The following AGBL1 variants were observed in gnomAD, a reference collection of about 807,000 sequenced individuals.
AGBL1 encodes the protein cytosolic carboxypeptidase 4.
AGBL1 carries 130 observed loss-of-function variants against 118.9 expected under a neutral mutation model. That is an observed-to-expected ratio of 1.09 (90% CI 0.95 to 1.26). The LOEUF (loss-of-function observed/expected upper bound fraction) is 1.26, where lower values mean the gene tolerates loss of function less well. Ranked by LOEUF, AGBL1 falls within the 50% of genes most tolerant of loss-of-function variation. The pLI, the probability that AGBL1 is intolerant of heterozygous loss-of-function variation, is 0.00. For synonymous variants in AGBL1, 555 were observed against 478.9 expected (o/e 1.16, Z -2.08); for missense variants, 1,584 against 1,298.1 (o/e 1.22, Z -3.38).
chr15:86,675,796 C>T (rs1389437241), intron 22 of AGBL1, among the ~76,000 whole-genome samples: 1 of 152,156 alleles, frequency 6.6e-6, no homozygotes, highest in Non-Finnish European at 1.5e-5. Context: ...CCCCCTCTCT[C>T]CTCTGCTGCT....
intron 22 of AGBL1, among the ~76,000 whole-genome samples, chr15:86,839,308 GA>G (rs2079213899): frequency 6.6e-6 from 1 of 152,162 alleles, no homozygotes; most frequent in South Asian, 2.1e-4. Context: ...ACATTCTAGT[GA>G]AAAAGTCTTG....
intron 22 of AGBL1, among the ~76,000 whole-genome samples, chr15:86,739,443 C>CAAAAAAAAAA (rs34530266): frequency 4.5e-5 from 3 of 66,604 alleles, no homozygotes; most frequent in African/African-American, 6.8e-5. Flanking sequence ...AACTCCATCT[C>CAAAAAAAAAA]AAAAAAAAAA....
intron 5 of AGBL1, among the ~76,000 whole-genome samples, chr15:86,195,614 A>T (rs1333920505): frequency 6.6e-6 from 1 of 152,162 alleles, no homozygotes; most frequent in African/African-American, 2.4e-5. Context: ...CTTTAGATTA[A>T]AGTGAGATTT....
intron 21 of AGBL1, 131 bp from the exon 22 acceptor site, chr15:86,674,142 A>T: frequency 1.1e-6 from 1 of 893,806 alleles, no homozygotes; most frequent in Non-Finnish European, 1.7e-6. Context: ...ATGGACAGTG[A>T]CTGACAAATA....
intron 19 of AGBL1, among the ~76,000 whole-genome samples, chr15:86,524,094 G>T (rs920206243): frequency 6.6e-6 from 1 of 152,158 alleles, no homozygotes; most frequent in African/African-American, 2.4e-5. Flanking sequence ...TTTTAAAATG[G>T]ATGAATATAT....
intron 24 of AGBL1, among the ~76,000 whole-genome samples, chr15:87,022,495 AG>A (rs2081676107): frequency 6.6e-6 from 1 of 152,126 alleles, no homozygotes; most frequent in African/African-American, 2.4e-5. Flanking sequence ...GGTGCTCCAG[AG>A]GAAGAAGAGA....
chr15:86,876,971 C>T (rs1377325217), intron 22 of AGBL1, among the ~76,000 whole-genome samples: 1 of 152,026 alleles, frequency 6.6e-6, no homozygotes, highest in African/African-American at 2.4e-5. Flanking sequence ...CAATACAATC[C>T]GTATTGTCAT....
chr15:86,164,614 C>G (rs1478613257), intron 5 of AGBL1, among the ~76,000 whole-genome samples: 1 of 152,176 alleles, frequency 6.6e-6, no homozygotes, highest in East Asian at 1.9e-4. Context: ...CCCTCTGATC[C>G]TTTTGGATTC....
intron 17 of AGBL1, among the ~76,000 whole-genome samples, chr15:86,313,364 C>T (rs554714454): frequency 4.6e-5 from 7 of 152,272 alleles, no homozygotes; most frequent in East Asian, 3.9e-4. Flanking sequence ...AGCACACTTA[C>T]GCAAACAACA....
At chr15:86,498,890 G>A (rs575151156) in intron 18 of AGBL1, among the ~76,000 whole-genome samples, 31 of 151,882 alleles carry the variant, frequency 2.0e-4, no homozygotes, top group South Asian at 1.0e-3. Context: ...TTTCCTTTCC[G>A]TATTACTCTT....
At chr15:86,384,572 A>G (rs939803100) in intron 17 of AGBL1, among the ~76,000 whole-genome samples, 1 of 69,770 alleles carries the variant, frequency 1.4e-5, no homozygotes, top group East Asian at 2.9e-3. Context: ...CCAGCATATT[A>G]TAATATAACA....
At chr15:86,747,441 A>C (rs2077773522) in intron 22 of AGBL1, among the ~76,000 whole-genome samples, 1 of 152,160 alleles carries the variant, frequency 6.6e-6, no homozygotes, top group African/African-American at 2.4e-5. Flanking sequence ...GAAAGTCTAA[A>C]AAACACGAAG....
intron 24 of AGBL1, among the ~76,000 whole-genome samples, chr15:86,991,288 A>T (rs556598389): frequency 6.6e-6 from 1 of 152,054 alleles, no homozygotes; most frequent in African/African-American, 2.4e-5. Context: ...GATGGCACAG[A>T]ACACCAACTT....
At chr15:86,857,966 T>G (rs1157931384) in intron 22 of AGBL1, among the ~76,000 whole-genome samples, 1 of 152,260 alleles carries the variant, frequency 6.6e-6, no homozygotes, top group Non-Finnish European at 1.5e-5. Context: ...TTTGGGCTCT[T>G]GCTTTTATGA....
chr15:86,445,377 T>C (rs2082109379), intron 18 of AGBL1, among the ~76,000 whole-genome samples: 1 of 152,242 alleles, frequency 6.6e-6, no homozygotes, highest in Non-Finnish European at 1.5e-5. Context: ...CAAAACCCTT[T>C]TGCTTCAGCC....
chr15:86,249,934 AG>A (rs1358304398), intron 7 of AGBL1, among the ~76,000 whole-genome samples: 2 of 152,218 alleles, frequency 1.3e-5, no homozygotes, highest in Non-Finnish European at 2.9e-5. Context: ...TGAAGACTTC[AG>A]TTGCTCAATT....
At position 86,147,368 on chromosome 15, in the gene AGBL1, G is replaced by A. The variant is rs528051985; in HGVS notation, c.262+3523G>A. Among the ~76,000 whole-genome samples, 280 of 152,322 alleles carry A rather than the reference G, an allele frequency of 1.8e-3. 1 individual carries two copies. The highest frequency in any genetic ancestry group is 3.9e-3 in the Admixed American group (59 of 15,298). The stretch of plus-strand genomic sequence containing the variant: ...GATTTCCCTGTCCTAGGTGAGGGAA[G>A]CCCTGACAGACTACCTGGAAAAATG... On this transcript the variant is annotated intron_variant, in intron 3 of 22. Transcript: ENST00000614907.
Position 86,686,226 on chromosome 15 carries a change from G to T in AGBL1, c.3158+11790G>T, listed in dbSNP as rs2086052954. Among the ~76,000 whole-genome samples the T allele has an allele frequency of 2.0e-5, 3 of 152,028 alleles. No individual in the cohort carries two copies. The South Asian group carries it at 6.2e-4, about 32-fold the overall frequency. ...GATTGATCTAGTTTTTTTAAAGAAGGCCTGGAGAGTTTGAATTGACTCCAT... is the reference window on the plus strand; with the variant it reads ...GATTGATCTAGTTTTTTTAAAGAAGTCCTGGAGAGTTTGAATTGACTCCAT... On this transcript the variant is annotated intron_variant, in intron 22 of 22. Coordinates refer to ENST00000614907, the MANE Select transcript of AGBL1 (RefSeq NM_001386094.1).
intron 21 of AGBL1, among the ~76,000 whole-genome samples, chr15:86,641,229 G>T (rs540041287): frequency 1.2e-4 from 18 of 151,950 alleles, no homozygotes; most frequent in Admixed American, 2.6e-4. Flanking sequence ...TCAGGCTAGT[G>T]TACTATATTG....
Sources: gnomAD v4.1 joint callset for allele counts (sites outside exome capture counted in the v4.1 genomes callset) on GRCh38, gnomAD v4.1.1 for gene constraint, MANE v1.5 for transcripts, NCBI Gene and HGNC (gene_info 2026-07-23, HGNC 2026-07-21) for gene names.